Variants in POU2F1 observed in about 807,000 individuals in gnomAD.
POU2F1 encodes POU class 2 homeobox 1, also known as POU domain, class 2, transcription factor 1.
A neutral mutation model predicts 84.9 loss-of-function variants in POU2F1; 16 were observed. That is an observed-to-expected ratio of 0.19 (90% CI 0.13 to 0.29). POU2F1 has a LOEUF of 0.29. Ranked by LOEUF, POU2F1 falls within the 10% of genes least tolerant of loss-of-function variation. The pLI, the probability that POU2F1 is intolerant of heterozygous loss-of-function variation, is 1.00. For missense variants in POU2F1, 738 were observed against 942.6 expected (o/e 0.78, Z 2.84); for synonymous variants, 368 against 368.3 (o/e 1.00, Z 0.01).
At chr1:167,309,274 C>T (rs1475042310) in intron 1 of POU2F1, among the ~76,000 whole-genome samples, 1 of 152,150 alleles carries the variant, frequency 6.6e-6, no homozygotes, top group African/African-American at 2.4e-5. Flanking sequence ...GTGTATTTCA[C>T]TTAAAGCTGT....
At chr1:167,254,799 A>G (rs1467326066) in intron 1 of POU2F1, among the ~76,000 whole-genome samples, 1 of 152,226 alleles carries the variant, frequency 6.6e-6, no homozygotes, top group Non-Finnish European at 1.5e-5. Flanking sequence ...AGAATGCTCA[A>G]AAATGGTGTG....
chr1:167,238,103 G>A (rs1241663629), intron 1 of POU2F1, among the ~76,000 whole-genome samples: 1 of 151,880 alleles, frequency 6.6e-6, no homozygotes, highest in Non-Finnish European at 1.5e-5. Flanking sequence ...AATTTCTTGA[G>A]TAAGCCCTTG....
chr1:167,222,809 G>C (rs1315463038), intron 1 of POU2F1, among the ~76,000 whole-genome samples: 1 of 152,110 alleles, frequency 6.6e-6, no homozygotes, highest in African/African-American at 2.4e-5. Flanking sequence ...GGAAAAATCT[G>C]TCCTGTATTT....
At chr1:167,365,947 C>G (rs1208684735) in intron 3 of POU2F1, among the ~76,000 whole-genome samples, 1 of 152,212 alleles carries the variant, frequency 6.6e-6, no homozygotes. Context: ...AAGCTCATTT[C>G]TGTCCTCTAA....
intron 1 of POU2F1, among the ~76,000 whole-genome samples, chr1:167,282,831 T>A (rs1653252079): frequency 6.6e-6 from 1 of 152,200 alleles, no homozygotes; most frequent in Non-Finnish European, 1.5e-5. Flanking sequence ...CAGAGCTTGC[T>A]CCAGAGGCCT....
At chr1:167,372,949 CT>C (rs869121815) in intron 5 of POU2F1, among the ~76,000 whole-genome samples, 4 of 127,256 alleles carry the variant, frequency 3.1e-5, no homozygotes, top group Non-Finnish European at 6.8e-5. Context: ...TTCTTTCTTT[CT>C]TTTTTTCCCA....
At chr1:167,322,050 G>T (rs1656350939) in intron 1 of POU2F1, among the ~76,000 whole-genome samples, 1 of 152,214 alleles carries the variant, frequency 6.6e-6, no homozygotes, top group African/African-American at 2.4e-5. Flanking sequence ...TGAGCAGATT[G>T]AATTGGCCAC....
At chr1:167,232,757 C>G (rs1649158675) in intron 1 of POU2F1, among the ~76,000 whole-genome samples, 1 of 151,816 alleles carries the variant, frequency 6.6e-6, no homozygotes, top group Non-Finnish European at 1.5e-5. Context: ...GCAGGAGAAT[C>G]ACTTGAACCC....
chr1:167,378,010 T>C (rs1660441853), intron 7 of POU2F1, among the ~76,000 whole-genome samples: 1 of 152,246 alleles, frequency 6.6e-6, no homozygotes, highest in Non-Finnish European at 1.5e-5. Context: ...GCAATTAACA[T>C]ACGCATGGGT....
intron 1 of POU2F1, among the ~76,000 whole-genome samples, chr1:167,221,367 A>G (rs1402506668): frequency 6.7e-6 from 1 of 149,858 alleles, no homozygotes; most frequent in African/African-American, 2.4e-5. Flanking sequence ...GACATTTTAC[A>G]TATTCATAGC....
chr1:167,392,433 A>G (rs1045607502), intron 9 of POU2F1, among the ~76,000 whole-genome samples: 1 of 152,258 alleles, frequency 6.6e-6, no homozygotes, highest in East Asian at 1.9e-4. Flanking sequence ...TGAAATAAGT[A>G]TAAGGTTAGC....
At position 167,233,574 on chromosome 1, in the gene POU2F1, A is replaced by G. The variant is rs542205847; in HGVS notation, c.61+12616A>G. ...ATAGCTTAGGTATGTAGTAGGCTAT[A>G]CCATTTGGGTTTGTGTAAATATGCT... On this transcript the variant is annotated intron_variant, in intron 1 of 15. Transcript: ENST00000367866. Among the ~76,000 whole-genome samples, 4 of 152,360 alleles carry G rather than the reference A, an allele frequency of 2.6e-5. No individual in the cohort carries two copies. The East Asian group carries it at 5.8e-4, about 22-fold the overall frequency.
chr1:167,386,659 G>A (rs1648007495), intron 8 of POU2F1, among the ~76,000 whole-genome samples: 1 of 152,190 alleles, frequency 6.6e-6, no homozygotes, highest in African/African-American at 2.4e-5. Flanking sequence ...GGTAACATAA[G>A]CTTTAGCATA....
chr1:167,408,195 C>G (rs1196245085), intron 13 of POU2F1, among the ~76,000 whole-genome samples: 1 of 152,132 alleles, frequency 6.6e-6, no homozygotes, highest in Non-Finnish European at 1.5e-5. Flanking sequence ...CTACTTTGTA[C>G]TCACTAGAAT....
chr1:167,225,022 T>A (rs890806685), intron 1 of POU2F1, among the ~76,000 whole-genome samples: 1 of 151,084 alleles, frequency 6.6e-6, no homozygotes. Flanking sequence ...AGAGGCGGGG[T>A]TTCACCGTGT....
chr1:167,266,433 C>T (rs1463447202), intron 1 of POU2F1, among the ~76,000 whole-genome samples: 1 of 152,044 alleles, frequency 6.6e-6, no homozygotes, highest in East Asian at 1.9e-4. Flanking sequence ...TTTACAAAAT[C>T]TTTTCATCGG....
chr1:167,302,090 C>T (rs893387326), intron 1 of POU2F1, among the ~76,000 whole-genome samples: 7 of 151,946 alleles, frequency 4.6e-5, no homozygotes, highest in South Asian at 2.1e-4. Flanking sequence ...GCCCCCGAGA[C>T]GGAGTCTTGC....
chr1:167,338,901 C>G (rs565474327), intron 2 of POU2F1, among the ~76,000 whole-genome samples: 1 of 152,178 alleles, frequency 6.6e-6, no homozygotes, highest in East Asian at 1.9e-4. Context: ...TGTTTGAGTT[C>G]CGTTTTTCAA....
intron 15 of POU2F1, among the ~76,000 whole-genome samples, 180 bp downstream of exon 15, chr1:167,413,294 A>T (rs922029895): frequency 6.6e-6 from 1 of 152,180 alleles, no homozygotes; most frequent in Non-Finnish European, 1.5e-5. Flanking sequence ...ATGTCCTCGT[A>T]AAAAAGCTTT....
Sources: allele counts gnomAD v4.1 joint callset (sites outside exome capture counted in the v4.1 genomes callset), GRCh38; gene constraint gnomAD v4.1.1; transcripts MANE v1.5; gene names NCBI Gene and HGNC (gene_info 2026-07-23, HGNC 2026-07-21).